The following ZNF469 variants were observed in gnomAD, a reference collection of about 807,000 sequenced individuals.
The protein encoded by ZNF469 is zinc finger protein 469.
ZNF469 carries 1 observed loss-of-function variant against 1.0 expected under a neutral mutation model. That is an observed-to-expected ratio of 1.00 (90% CI 0.35 to 4.73). ZNF469 has a LOEUF of 4.73. Ranked by LOEUF, ZNF469 falls within the 30% of genes most tolerant of loss-of-function variation. The probability of loss-of-function intolerance (pLI) is 0.16; values close to 1 mark genes in which losing one functional copy is unlikely to be tolerated. For synonymous variants in ZNF469, 2,703 were observed against 2,363.4 expected, an observed-to-expected ratio of 1.14 and a Z score of -4.17; for missense variants, 6,100 against 5,356.3, an observed-to-expected ratio of 1.14 and a Z score of -4.33.
chr16:88,225,780 A>G, the ZNF469 span, among the ~76,000 whole-genome samples: 1 of 152,204 alleles, frequency 6.6e-6, no homozygotes, highest in Non-Finnish European at 1.5e-5. Context: ...GGGCCTCCCC[A>G]CACACGGACC....
the ZNF469 span, among the ~76,000 whole-genome samples, chr16:88,103,303 C>G: frequency 2.6e-5 from 4 of 152,244 alleles, no homozygotes; most frequent in Non-Finnish European, 5.9e-5. Context: ...CACAGCAGTC[C>G]ACGGGCCATG....
At chr16:88,353,182 C>T in the ZNF469 span, among the ~76,000 whole-genome samples, 5 of 152,152 alleles carry the variant, frequency 3.3e-5, no homozygotes, top group African/African-American at 1.2e-4. Context: ...CCTCCGAGGC[C>T]GTAAGTCTCA....
At chr16:88,242,734 T>C in the ZNF469 span, among the ~76,000 whole-genome samples, 1 of 152,380 alleles carries the variant, frequency 6.6e-6, no homozygotes, top group East Asian at 1.9e-4. Context: ...GCGAGGATGC[T>C]AGCCATTGCC....
At chr16:88,400,022 G>C (rs1243302818) in intron 1 of ZNF469, among the ~76,000 whole-genome samples, 1 of 152,236 alleles carries the variant, frequency 6.6e-6, no homozygotes, top group African/African-American at 2.4e-5. Flanking sequence ...CATCATGCCT[G>C]CCTCATAGGG....
the ZNF469 span, among the ~76,000 whole-genome samples, chr16:88,324,508 G>T: frequency 6.6e-6 from 1 of 152,250 alleles, no homozygotes; most frequent in African/African-American, 2.4e-5. Flanking sequence ...CAGCCCGGGA[G>T]GGTTCTTGGC....
At chr16:88,227,087 C>T in the ZNF469 span, among the ~76,000 whole-genome samples, 1 of 116,274 alleles carries the variant, frequency 8.6e-6, no homozygotes. Flanking sequence ...GCCTCCTCCG[C>T]GCCGGGGCCT....
intron 1 of ZNF469, among the ~76,000 whole-genome samples, chr16:88,409,019 G>T (rs958215266): frequency 3.9e-5 from 6 of 152,234 alleles, no homozygotes; most frequent in African/African-American, 1.4e-4. Context: ...CAGCAGGGGG[G>T]CCCTCCCTAG....
At chr16:88,375,935 T>C in the ZNF469 span, among the ~76,000 whole-genome samples, 2 of 152,374 alleles carry the variant, frequency 1.3e-5, no homozygotes, top group East Asian at 3.9e-4. Context: ...TGGGCCGGAC[T>C]GGAGTGGATA....
At chr16:88,130,849 G>C in the ZNF469 span, among the ~76,000 whole-genome samples, 1 of 152,200 alleles carries the variant, frequency 6.6e-6, no homozygotes, top group Non-Finnish European at 1.5e-5. Context: ...GGGAAACGAC[G>C]CTGCCTGGGA....
the ZNF469 span, among the ~76,000 whole-genome samples, chr16:88,215,381 T>G: frequency 1.1e-5 from 1 of 92,764 alleles, no homozygotes; most frequent in Non-Finnish European, 2.2e-5. Flanking sequence ...TCTTGCCTTT[T>G]AATTTTTTTT....
At chr16:88,315,366 C>T in the ZNF469 span, among the ~76,000 whole-genome samples, 1 of 152,240 alleles carries the variant, frequency 6.6e-6, no homozygotes, top group Non-Finnish European at 1.5e-5. Context: ...CACATGCACA[C>T]AGACCCAGGA....
the ZNF469 span, among the ~76,000 whole-genome samples, chr16:88,315,749 G>C: frequency 6.6e-6 from 1 of 152,176 alleles, no homozygotes; most frequent in East Asian, 1.9e-4. Context: ...GACAGCCCTC[G>C]ACCTCCTGGC....
chr16:88,194,445 TC>T, the ZNF469 span: 1 of 152,298 alleles, frequency 6.6e-6, no homozygotes, highest in Non-Finnish European at 1.5e-5. Context: ...AGAAATCGCG[TC>T]CGCTAAGTGG....
At chr16:88,364,716 C>A in the ZNF469 span, among the ~76,000 whole-genome samples, 2 of 152,186 alleles carry the variant, frequency 1.3e-5, no homozygotes, top group African/African-American at 4.8e-5. Flanking sequence ...GTAATCCCAG[C>A]ACTTTGGGAG....
At chr16:88,339,020 A>G in the ZNF469 span, among the ~76,000 whole-genome samples, 1 of 151,628 alleles carries the variant, frequency 6.6e-6, no homozygotes, top group African/African-American at 2.4e-5. Context: ...TTCACTGCAC[A>G]GCAGGGCTGC....
the ZNF469 span, among the ~76,000 whole-genome samples, chr16:88,252,886 G>A: frequency 6.6e-6 from 1 of 152,144 alleles, no homozygotes; most frequent in South Asian, 2.1e-4. Context: ...CCCAGAGGCA[G>A]CCACTCTTTG....
the ZNF469 span, among the ~76,000 whole-genome samples, chr16:88,197,452 G>A: frequency 1.3e-5 from 2 of 152,306 alleles, no homozygotes; most frequent in East Asian, 3.9e-4. Flanking sequence ...TATCCCACAG[G>A]ATTAAATGCC....
At chr16:88,138,715 T>C in the ZNF469 span, among the ~76,000 whole-genome samples, 1 of 152,214 alleles carries the variant, frequency 6.6e-6, no homozygotes, top group African/African-American at 2.4e-5. Context: ...AAACTAGACA[T>C]AAAAAGCAGC....
the ZNF469 span, among the ~76,000 whole-genome samples, chr16:88,280,412 T>C: frequency 6.6e-6 from 1 of 152,066 alleles, no homozygotes; most frequent in African/African-American, 2.4e-5. Context: ...GCTTAGTCAG[T>C]ACCTTGCACA....
Sources: gnomAD v4.1 joint callset for allele counts (sites outside exome capture counted in the v4.1 genomes callset) on GRCh38, gnomAD v4.1.1 for gene constraint, MANE v1.5 for transcripts, NCBI Gene and HGNC (gene_info 2026-07-23, HGNC 2026-07-21) for gene names.